LRBA: variants seen among roughly 807,000 people sequenced by gnomAD.
The protein encoded by LRBA is lipopolysaccharide-responsive and beige-like anchor protein.
Under a neutral mutation model 330.0 loss-of-function variants are expected in LRBA, and 176 were observed. The observed-to-expected ratio is 0.53, with a 90% confidence interval of 0.47 to 0.60. LRBA has a LOEUF of 0.60. LRBA is among the 20% of genes least tolerant of loss of function. LRBA has a pLI of 0.00. For synonymous variants in LRBA, 1,230 were observed against 1,193.0 expected (o/e 1.03, Z -0.64); for missense variants, 3,259 against 3,444.8 (o/e 0.95, Z 1.35).
chr4:150,696,377 G>A (rs1784618693), intron 36 of LRBA, among the ~76,000 whole-genome samples: 1 of 152,182 alleles, frequency 6.6e-6, no homozygotes. Context: ...TTAACTCTTG[G>A]TTTTGACACA....
At chr4:150,689,819 G>A (rs912824042) in intron 36 of LRBA, among the ~76,000 whole-genome samples, 4 of 152,142 alleles carry the variant, frequency 2.6e-5, no homozygotes, top group Non-Finnish European at 5.9e-5. Context: ...TAGCTACTTG[G>A]GAGGCTGAGG....
At chr4:150,483,014 A>G (rs796832099) in intron 42 of LRBA, among the ~76,000 whole-genome samples, 1 of 151,970 alleles carries the variant, frequency 6.6e-6, no homozygotes, top group African/African-American at 2.4e-5. Flanking sequence ...AATGTTTTTT[A>G]TTTTAATGAA....
At chr4:150,452,618 T>C (rs1467022356) in intron 44 of LRBA, among the ~76,000 whole-genome samples, 5 of 127,218 alleles carry the variant, frequency 3.9e-5, no homozygotes, top group Admixed American at 8.7e-5. Flanking sequence ...CACGACTCCA[T>C]CTCAAAGGAA....
chr4:150,324,606 G>GGAA (rs199669795), intron 49 of LRBA, among the ~76,000 whole-genome samples: 5 of 143,380 alleles, frequency 3.5e-5, no homozygotes, highest in African/African-American at 1.0e-4. Flanking sequence ...GAAGAGAAAG[G>GGAA]AAAAAAAAAA....
rs577138803 is a variant in LRBA at position 150,543,815 on chromosome 4, C to T, written c.6330+44233G>A. 5.3e-5 allele frequency among the ~76,000 whole-genome samples: 8 copies of T among 152,134 alleles called. No individual in the cohort carries two copies. The South Asian group carries it at 6.2e-4, about 12-fold the overall frequency. ...CTTTTGAAGTATAGCATTTTATTAC[C>T]AAAGTACCTCAACAAATACCAGTCA... On this transcript the variant is annotated intron_variant, in intron 40 of 56. Coordinates refer to ENST00000651943, the MANE Select transcript of LRBA (RefSeq NM_001364905.1).
intron 36 of LRBA, among the ~76,000 whole-genome samples, chr4:150,701,361 A>G (rs543413232): frequency 2.0e-5 from 3 of 152,354 alleles, no homozygotes; most frequent in African/African-American, 7.2e-5. Flanking sequence ...TATAGTAAAT[A>G]CATAAACCAG....
At chr4:150,670,059 T>G (rs939386784) in intron 37 of LRBA, among the ~76,000 whole-genome samples, 1 of 152,190 alleles carries the variant, frequency 6.6e-6, no homozygotes, top group African/African-American at 2.4e-5. Context: ...GAAGTTAATA[T>G]GTTTCCTGCT....
intron 46 of LRBA, chr4:150,423,075 G>C (rs1490338924): frequency 1.4e-5 from 11 of 801,078 alleles, no homozygotes; most frequent in Non-Finnish European, 2.3e-5. Flanking sequence ...AGGTGGGTGT[G>C]ACCTCTGGGG....
At chr4:150,582,966 G>T (rs1581739125) in intron 40 of LRBA, 1 of 1,517,708 alleles carries the variant, frequency 6.6e-7, no homozygotes, top group East Asian at 2.3e-5. Flanking sequence ...CCACCAGTGC[G>T]TGAGCCTTGG....
At chr4:150,812,039 G>A (rs762596907) in intron 31 of LRBA, among the ~76,000 whole-genome samples, 1 of 152,018 alleles carries the variant, frequency 6.6e-6, no homozygotes, top group Non-Finnish European at 1.5e-5. Flanking sequence ...ACCAGCAATA[G>A]TTATAAGAAA....
Position 150,897,717 on chromosome 4 carries a change from GGA to G in LRBA, c.2004+20_2004+21del. ...TAACCTTCAATACACGGTATGCTAT[GGA>G]ATAAGCAACGTGAACTCACCTTCAT... On this transcript the variant is annotated intron_variant, in intron 15 of 56. Coordinates refer to ENST00000651943, the MANE Select transcript of LRBA (RefSeq NM_001364905.1). The G allele has an allele frequency of 1.3e-6, 2 of 1,524,948 alleles. No homozygotes were observed. Among genetic ancestry groups the G allele is most frequent in the Admixed American group, 3.4e-5 (2 of 59,546 alleles). 94.5% of individuals were successfully genotyped at this position (1,524,948 alleles called of 1,614,324 possible). A position where few individuals can be genotyped will look rare whatever the true frequency, so the allele number is the denominator to read the frequency against.
intron 29 of LRBA, among the ~76,000 whole-genome samples, chr4:150,829,430 A>G (rs960324320): frequency 6.6e-6 from 1 of 152,134 alleles, no homozygotes; most frequent in Non-Finnish European, 1.5e-5. Flanking sequence ...TCTAGCAAAA[A>G]TAGTCTTATC....
At chr4:150,625,756 C>G (rs929838608) in intron 37 of LRBA, among the ~76,000 whole-genome samples, 2 of 151,246 alleles carry the variant, frequency 1.3e-5, no homozygotes, top group Admixed American at 6.6e-5. Flanking sequence ...GTTGCCCAGG[C>G]TGGAGTGCAG....
intron 36 of LRBA, among the ~76,000 whole-genome samples, chr4:150,706,427 C>G (rs1785625736): frequency 1.3e-5 from 2 of 151,636 alleles, no homozygotes; most frequent in Admixed American, 1.3e-4. Context: ...ATTAATAACA[C>G]AATCTGTACT....
intron 40 of LRBA, chr4:150,579,674 C>T (rs1457991365): frequency 4.4e-6 from 2 of 456,598 alleles, no homozygotes; most frequent in Non-Finnish European, 8.8e-6. Flanking sequence ...GGAGGTGCAG[C>T]GGAGTGTCCG....
At chr4:150,755,366 G>A (rs893043991) in intron 35 of LRBA, among the ~76,000 whole-genome samples, 1 of 152,204 alleles carries the variant, frequency 6.6e-6, no homozygotes, top group African/African-American at 2.4e-5. Flanking sequence ...CCAACAGTAT[G>A]CAGGATAATC....
chr4:150,571,221 G>T (rs1241068587), intron 40 of LRBA, among the ~76,000 whole-genome samples: 1 of 151,844 alleles, frequency 6.6e-6, no homozygotes, highest in Non-Finnish European at 1.5e-5. Context: ...ACGTGTTCAG[G>T]AGAGATTACA....
chr4:150,554,900 GT>G (rs1240601849), intron 40 of LRBA, among the ~76,000 whole-genome samples: 2 of 152,078 alleles, frequency 1.3e-5, no homozygotes, highest in Non-Finnish European at 2.9e-5. Flanking sequence ...TAAACTCAGT[GT>G]TTAAGGAAAA....
intron 46 of LRBA, among the ~76,000 whole-genome samples, chr4:150,432,968 T>C (rs2151987400): frequency 6.6e-6 from 1 of 152,142 alleles, no homozygotes; most frequent in Non-Finnish European, 1.5e-5. Context: ...AATATAAAAA[T>C]GGGGGTAATT....
Sources: allele counts gnomAD v4.1 joint callset (sites outside exome capture counted in the v4.1 genomes callset), GRCh38; gene constraint gnomAD v4.1.1; transcripts MANE v1.5; gene names NCBI Gene and HGNC (gene_info 2026-07-23, HGNC 2026-07-21).